The following LRRC4C variants were observed in gnomAD, a reference collection of about 807,000 sequenced individuals.
LRRC4C encodes the protein leucine-rich repeat-containing protein 4C.
LRRC4C carries 5 observed loss-of-function variants against 33.6 expected under a neutral mutation model. That is an observed-to-expected ratio of 0.15 (90% confidence interval 0.08 to 0.31). The LOEUF is 0.31. Ranked by LOEUF, LRRC4C falls within the 10% of genes least tolerant of loss-of-function variation. The pLI is 1.00. For missense variants in LRRC4C, 560 were observed against 796.7 expected (o/e 0.70, Z 3.58); for synonymous variants, 329 against 302.0 (o/e 1.09, Z -0.93).
chr11:40,636,730 G>C (rs1166281682), intron 3 of LRRC4C, among the ~76,000 whole-genome samples: 1 of 152,052 alleles, frequency 6.6e-6, no homozygotes, highest in East Asian at 1.9e-4. Context: ...TCTCATGACT[G>C]GCCACATGAG....
At chr11:40,916,874 A>G (rs932489682) in intron 2 of LRRC4C, among the ~76,000 whole-genome samples, 12 of 152,232 alleles carry the variant, frequency 7.9e-5, no homozygotes, top group South Asian at 2.1e-4. Context: ...AACATGAAAT[A>G]TGTATATTAT....
At chr11:40,394,309 A>G (rs1949453564) in intron 3 of LRRC4C, among the ~76,000 whole-genome samples, 1 of 152,172 alleles carries the variant, frequency 6.6e-6, no homozygotes, top group East Asian at 1.9e-4. Context: ...TCTTCCTGGC[A>G]GAATAACTTT....
At chr11:41,244,044 C>T (rs1383969821) in intron 1 of LRRC4C, among the ~76,000 whole-genome samples, 1 of 152,074 alleles carries the variant, frequency 6.6e-6, no homozygotes, top group African/African-American at 2.4e-5. Context: ...ATTAAATAGG[C>T]ACACTTAATT....
chr11:40,802,300 G>A (rs1358922815), intron 2 of LRRC4C, among the ~76,000 whole-genome samples: 1 of 151,892 alleles, frequency 6.6e-6, no homozygotes, highest in African/African-American at 2.4e-5. Context: ...AGCCAGTTTA[G>A]TTGATTTCCT....
intron 2 of LRRC4C, among the ~76,000 whole-genome samples, chr11:40,867,176 G>T (rs7948597): frequency 6.6e-6 from 1 of 151,978 alleles, no homozygotes; most frequent in Non-Finnish European, 1.5e-5. Context: ...GCATTGCCTC[G>T]TTCACCAACA....
At chr11:41,335,003 T>C (rs1251634366) in intron 1 of LRRC4C, among the ~76,000 whole-genome samples, 5 of 152,184 alleles carry the variant, frequency 3.3e-5, no homozygotes, top group South Asian at 2.1e-4. Flanking sequence ...CAGTTTTCAG[T>C]CTGGTCCCAA....
At chr11:40,417,327 T>TTA (rs1555052027) in intron 3 of LRRC4C, among the ~76,000 whole-genome samples, 1,688 of 151,654 alleles carry the variant, frequency 0.011, 35 homozygotes, top group African/African-American at 0.039. Flanking sequence ...ATGATTTTTT[T>TTA]TTTATTTATT....
chr11:40,948,299 C>T (rs368946185), intron 1 of LRRC4C, among the ~76,000 whole-genome samples: 9 of 152,164 alleles, frequency 5.9e-5, no homozygotes, highest in Middle Eastern at 3.4e-3. Flanking sequence ...ACATAGAGTT[C>T]GTGGGTTTTA....
intron 2 of LRRC4C, among the ~76,000 whole-genome samples, chr11:40,883,464 C>G (rs181537173): frequency 3.9e-4 from 59 of 152,042 alleles, no homozygotes; most frequent in Non-Finnish European, 6.5e-4. Flanking sequence ...TTTAAATAAT[C>G]AGAAATAAAA....
At chr11:40,472,459 A>C (rs1952989431) in intron 3 of LRRC4C, among the ~76,000 whole-genome samples, 2 of 149,012 alleles carry the variant, frequency 1.3e-5, no homozygotes, top group Non-Finnish European at 3.0e-5. Flanking sequence ...ACAGCTAAAG[A>C]AGTGTTTAGA....
At chr11:40,540,702 C>T (rs1183029134) in intron 3 of LRRC4C, among the ~76,000 whole-genome samples, 1 of 152,066 alleles carries the variant, frequency 6.6e-6, no homozygotes, top group Non-Finnish European at 1.5e-5. Context: ...TCTTGTTCAT[C>T]TAGTACCCCA....
intron 3 of LRRC4C, among the ~76,000 whole-genome samples, chr11:40,563,615 C>T (rs1055054811): frequency 6.6e-6 from 1 of 152,138 alleles, no homozygotes; most frequent in African/African-American, 2.4e-5. Flanking sequence ...ATATAAAGTA[C>T]ATGGGCTAAT....
chr11:41,040,706 TCTCAA>T (rs1240225943), intron 1 of LRRC4C, among the ~76,000 whole-genome samples: 1 of 152,176 alleles, frequency 6.6e-6, no homozygotes, highest in East Asian at 1.9e-4. Flanking sequence ...TCACCTTCTT[TCTCAA>T]CATCCCCAAT....
intron 1 of LRRC4C, among the ~76,000 whole-genome samples, chr11:41,143,046 G>A (rs1288332898): frequency 6.6e-6 from 1 of 151,308 alleles, no homozygotes; most frequent in Non-Finnish European, 1.5e-5. Context: ...TCCTCTCCTA[G>A]CCTTTTTATT....
chr11:41,314,129 T>A (rs1674408755), intron 1 of LRRC4C, among the ~76,000 whole-genome samples: 1 of 151,952 alleles, frequency 6.6e-6, no homozygotes, highest in Non-Finnish European at 1.5e-5. Context: ...AAACACACAA[T>A]AGGAGAGGGT....
intron 3 of LRRC4C, among the ~76,000 whole-genome samples, chr11:40,442,473 T>A (rs1265540170): frequency 1.3e-5 from 2 of 152,230 alleles, no homozygotes; most frequent in Non-Finnish European, 2.9e-5. Flanking sequence ...AATATATAAA[T>A]AATTGAAATG....
chr11:40,621,727 T>C (rs999096202), intron 3 of LRRC4C, among the ~76,000 whole-genome samples: 3 of 151,840 alleles, frequency 2.0e-5, no homozygotes, highest in Non-Finnish European at 4.4e-5. Flanking sequence ...ACATGGTATG[T>C]GCTCAATTAA....
At chr11:40,332,011 C>T (rs1351795640) in intron 3 of LRRC4C, among the ~76,000 whole-genome samples, 2 of 152,170 alleles carry the variant, frequency 1.3e-5, no homozygotes, top group Non-Finnish European at 2.9e-5. Context: ...GACCCAAGTG[C>T]CATAACATGT....
intron 3 of LRRC4C, among the ~76,000 whole-genome samples, chr11:40,544,630 A>T (rs571594605): frequency 2.3e-4 from 35 of 152,256 alleles, no homozygotes; most frequent in African/African-American, 7.9e-4. Flanking sequence ...TTAGGGATGT[A>T]GATTCTTTTG....
Sources: allele counts gnomAD v4.1 joint callset (sites outside exome capture counted in the v4.1 genomes callset), GRCh38; gene constraint gnomAD v4.1.1; transcripts MANE v1.5; gene names NCBI Gene and HGNC (gene_info 2026-07-23, HGNC 2026-07-21).